DENND1A: variants seen among roughly 807,000 people sequenced by gnomAD.
DENND1A encodes the protein DENN domain-containing protein 1A.
Under a neutral mutation model 113.7 loss-of-function variants are expected in DENND1A, and 51 were observed. The ratio of observed to expected loss-of-function variants is 0.45; its 90% CI spans 0.36 to 0.57. DENND1A has a LOEUF of 0.57. Ranked by LOEUF, DENND1A falls within the 20% of genes least tolerant of loss-of-function variation. The pLI is 0.00. For synonymous variants in DENND1A, 565 were observed against 570.8 expected (o/e 0.99, Z 0.14); for missense variants, 1,258 against 1,395.9 (o/e 0.90, Z 1.57).
At chr9:123,426,853 G>C (rs971815199) in intron 19 of DENND1A, among the ~76,000 whole-genome samples, 3 of 152,190 alleles carry the variant, frequency 2.0e-5, no homozygotes, top group Admixed American at 6.5e-5. Context: ...CCTCATCGCA[G>C]AACAGCCTGG....
chr9:123,728,161 G>A (rs912617024), intron 5 of DENND1A, among the ~76,000 whole-genome samples: 4 of 150,340 alleles, frequency 2.7e-5, no homozygotes, highest in Non-Finnish European at 5.9e-5. Flanking sequence ...TTCATGGACT[G>A]AAAGACCCAA....
intron 3 of DENND1A, among the ~76,000 whole-genome samples, chr9:123,786,175 T>C (rs1179860503): frequency 2.0e-5 from 3 of 151,874 alleles, no homozygotes; most frequent in Non-Finnish European, 2.9e-5. Flanking sequence ...GATTGTGCCA[T>C]TGTACTCCAG....
chr9:123,889,044 A>C (rs182493769), intron 1 of DENND1A, among the ~76,000 whole-genome samples: 9 of 150,824 alleles, frequency 6.0e-5, no homozygotes, highest in African/African-American at 2.2e-4. Context: ...CAACTTTTCT[A>C]TAAGATTCTA....
chr9:123,737,184 T>G (rs147798340), intron 5 of DENND1A, among the ~76,000 whole-genome samples: 2 of 152,132 alleles, frequency 1.3e-5, no homozygotes, highest in African/African-American at 4.8e-5. Flanking sequence ...TTCAACTCAG[T>G]TTTGGTTGTT....
chr9:123,404,024 T>C (rs1362169814), intron 20 of DENND1A, among the ~76,000 whole-genome samples: 2 of 152,222 alleles, frequency 1.3e-5, no homozygotes, highest in African/African-American at 4.8e-5. Context: ...ATCGTCTTTC[T>C]GCTTCCCAGA....
intron 13 of DENND1A, among the ~76,000 whole-genome samples, chr9:123,533,388 T>G (rs1379690996): frequency 6.6e-6 from 1 of 152,240 alleles, no homozygotes; most frequent in Non-Finnish European, 1.5e-5. Flanking sequence ...AAAACATGGC[T>G]ATGGAATCCA....
chr9:123,508,959 T>C (rs557939778), intron 13 of DENND1A, among the ~76,000 whole-genome samples: 1 of 152,310 alleles, frequency 6.6e-6, no homozygotes, highest in South Asian at 2.1e-4. Flanking sequence ...AATAAAATTA[T>C]GACTTACAAA....
intron 5 of DENND1A, among the ~76,000 whole-genome samples, chr9:123,714,827 T>C (rs2066869344): frequency 6.6e-6 from 1 of 152,198 alleles, no homozygotes; most frequent in Non-Finnish European, 1.5e-5. Flanking sequence ...TAGGAATATA[T>C]TTCTCCACAG....
chr9:123,901,777 G>T (rs1851670546), intron 1 of DENND1A, among the ~76,000 whole-genome samples: 1 of 152,082 alleles, frequency 6.6e-6, no homozygotes, highest in Non-Finnish European at 1.5e-5. Context: ...GGCTGAGGCG[G>T]GTGGATCACG....
rs1292863303 is a variant in DENND1A at position 123,921,446 on chromosome 9, C to T, written c.17+8443G>A. 3.3e-5 allele frequency among the ~76,000 whole-genome samples: 5 copies of T among 152,334 alleles called. No homozygotes were observed. In the South Asian group the frequency reaches 6.2e-4, roughly 19 times the overall value. On this transcript the variant is annotated intron_variant, in intron 1 of 23. Coordinates refer to ENST00000394215, the MANE Select transcript of DENND1A (RefSeq NM_001352964.2). ...CACCCCGGAGTTCAAGAACTGCCAG[C>T]GTGGAGTCAAACAGTATCTTCTCTA...
At chr9:123,652,534 A>T (rs891015163) in intron 8 of DENND1A, among the ~76,000 whole-genome samples, 1 of 152,152 alleles carries the variant, frequency 6.6e-6, no homozygotes, top group Non-Finnish European at 1.5e-5. Context: ...AGATCCTAGA[A>T]CCTTCCCGAT....
intron 2 of DENND1A, among the ~76,000 whole-genome samples, chr9:123,801,011 C>T (rs1000673525): frequency 3.3e-5 from 5 of 152,146 alleles, no homozygotes; most frequent in Non-Finnish European, 5.9e-5. Context: ...AGGGGAAGCA[C>T]ATGCCCATCA....
At chr9:123,465,862 C>T (rs541233884) in intron 13 of DENND1A, among the ~76,000 whole-genome samples, 1 of 152,292 alleles carries the variant, frequency 6.6e-6, no homozygotes, top group Admixed American at 6.5e-5. Flanking sequence ...TGGCCTTGTG[C>T]AATGCCAGTT....
intron 8 of DENND1A, among the ~76,000 whole-genome samples, chr9:123,659,875 A>C (rs951636546): frequency 1.3e-5 from 2 of 152,244 alleles, no homozygotes; most frequent in African/African-American, 2.4e-5. Context: ...CAAGAGATTA[A>C]TATGCAAATT....
chr9:123,718,756 TG>T (rs1407798493), intron 5 of DENND1A, among the ~76,000 whole-genome samples: 8 of 152,204 alleles, frequency 5.3e-5, no homozygotes, highest in African/African-American at 1.9e-4. Context: ...GTTGGGACAA[TG>T]TTCTTTTCAA....
At chr9:123,917,375 T>G (rs911583152) in intron 1 of DENND1A, among the ~76,000 whole-genome samples, 4 of 152,114 alleles carry the variant, frequency 2.6e-5, no homozygotes, top group Non-Finnish European at 5.9e-5. Flanking sequence ...GTAATCGCAT[T>G]GTTGACGGTA....
intron 8 of DENND1A, among the ~76,000 whole-genome samples, chr9:123,666,351 T>G (rs2063492800): frequency 6.6e-6 from 1 of 152,240 alleles, no homozygotes. Context: ...GTCATTCAGC[T>G]TGTTCAGAAG....
chr9:123,455,907 C>T (rs760676287), intron 15 of DENND1A, among the ~76,000 whole-genome samples: 5 of 152,178 alleles, frequency 3.3e-5, no homozygotes, highest in Non-Finnish European at 7.3e-5. Context: ...CTAGTCTAAC[C>T]GCAGCGAAAT....
chr9:123,586,502 G>T (rs918080723), intron 11 of DENND1A, among the ~76,000 whole-genome samples: 1 of 152,174 alleles, frequency 6.6e-6, no homozygotes, highest in South Asian at 2.1e-4. Context: ...GCAGGCCAGG[G>T]TCCCCTTAGT....
Sources: allele counts gnomAD v4.1 joint callset (sites outside exome capture counted in the v4.1 genomes callset), GRCh38; gene constraint gnomAD v4.1.1; transcripts MANE v1.5; gene names NCBI Gene and HGNC (gene_info 2026-07-23, HGNC 2026-07-21).